The following ARIH1 variants were observed in gnomAD, a reference collection of about 807,000 sequenced individuals.
ARIH1 encodes the protein ariadne RBR E3 ubiquitin protein ligase 1, also known as E3 ubiquitin-protein ligase ARIH1.
A neutral mutation model predicts 85.0 loss-of-function variants in ARIH1; 8 were observed. The observed-to-expected ratio is 0.09, with a 90% CI of 0.06 to 0.17. The LOEUF is 0.17. Ranked by LOEUF, ARIH1 falls within the 10% of genes least tolerant of loss-of-function variation. The pLI is 1.00. For synonymous variants in ARIH1, 238 were observed against 253.6 expected (o/e 0.94, Z 0.59); for missense variants, 311 against 718.1 (o/e 0.43, Z 6.48).
intron 1 of ARIH1, chr15:72,475,277 C>G: frequency 1.6e-6 from 1 of 628,820 alleles, no homozygotes; most frequent in Non-Finnish European, 2.3e-6. Flanking sequence ...TAAGCCTTCT[C>G]TTGCGGGCAA....
rs562327908 is a variant in ARIH1 at position 72,577,361 on chromosome 15, T to C, written c.1216-3370T>C. On this transcript the variant is annotated intron_variant, in intron 11 of 13. Transcript: ENST00000379887. ...AAAAAATTGTGAAGAAGAGAAAATG[T>C]GTTTACTTTTTATTAAGTAGAAGTG... 2.0e-5 allele frequency among the ~76,000 whole-genome samples: 3 copies of C among 152,198 alleles called. No homozygotes were observed. In the South Asian group the frequency reaches 6.2e-4, roughly 32 times the overall value.
chr15:72,512,956 T>A (rs2063956841), intron 1 of ARIH1, among the ~76,000 whole-genome samples: 1 of 152,188 alleles, frequency 6.6e-6, no homozygotes. Flanking sequence ...CTTTGTCTGA[T>A]AGAAATATGG....
In ARIH1 at chr15:72,555,277, A is replaced by G; in HGVS notation, c.595A>G (p.Thr199Ala). ...TGTTTTGTTTTTCTTACAGTATTTCACTGGCCTTGAATGTGGACATAAGTT... is the reference window on the plus strand; with the variant it reads ...TGTTTTGTTTTTCTTACAGTATTTCGCTGGCCTTGAATGTGGACATAAGTT... ...CYLNYPNSYF[T>A]GLECGHKFCM... Residue 199 changes from threonine (T) to alanine (A), a missense_variant, in exon 4 of 14, where the codon ACT (threonine) becomes GCT (alanine). Around this residue, in one of 3 missense-constraint regions of ARIH1, gnomAD observed 104 missense variants for 221.4 expected, o/e 0.47. Transcript: ENST00000379887. 6.2e-7 allele frequency: 1 copy of G among 1,611,642 alleles called. No homozygotes were observed.
intron 1 of ARIH1, 30 bp downstream of exon 1, chr15:72,475,044 G>C: frequency 1.9e-6 from 3 of 1,546,896 alleles, no homozygotes; most frequent in Non-Finnish European, 1.7e-6. Flanking sequence ...CAGCTGGACC[G>C]GGCCCGACGG....
intron 1 of ARIH1, among the ~76,000 whole-genome samples, chr15:72,512,989 A>G (rs1486407857): frequency 1.3e-5 from 2 of 152,080 alleles, no homozygotes; most frequent in African/African-American, 4.8e-5. Context: ...TCATGTGATT[A>G]GTGTTTGCGT....
intron 11 of ARIH1, among the ~76,000 whole-genome samples, chr15:72,578,108 C>T (rs2064279679): frequency 6.6e-6 from 1 of 152,214 alleles, no homozygotes; most frequent in African/African-American, 2.4e-5. Flanking sequence ...ATCAAGTGGT[C>T]TTTTAATTCC....
At chr15:72,536,750 T>G (rs1009209770) in intron 2 of ARIH1, among the ~76,000 whole-genome samples, 2 of 152,208 alleles carry the variant, frequency 1.3e-5, no homozygotes, top group African/African-American at 4.8e-5. Context: ...CTAAAAAGGT[T>G]AAAGTATGCA....
chr15:72,516,140 T>C lies in ARIH1; in HGVS notation c.376-1927T>C, dbSNP rs974700627. On this transcript the variant is annotated intron_variant, in intron 1 of 13. Transcript: ENST00000379887. ...ATTTGGCACTAGCAACATCAAGTTA[T>C]ACTCCCTCCCCTCTGTTTTTTCCCT... Among the ~76,000 whole-genome samples the C allele has an allele frequency of 3.9e-5, 6 of 152,330 alleles. 1 individual carries two copies. Among genetic ancestry groups the C allele is most frequent in the Admixed American group, 3.9e-4 (6 of 15,306 alleles).
chr15:72,588,041 C>G lies in ARIH1; in HGVS notation c.*4749C>G, dbSNP rs947507437. The stretch of plus-strand genomic sequence containing the variant: ...AGTTAAAGTTTGTATATCAGTCACA[C>G]ATTGATATGTAGCAGCTCTATCAAT... On this transcript the variant is annotated 3_prime_UTR_variant, in exon 14 of 14. Transcript: ENST00000379887. 1 of 152,182 alleles carries G rather than the reference C, an allele frequency of 6.6e-6. No homozygotes were observed. Among genetic ancestry groups the G allele is most frequent in the African/African-American group, 2.4e-5 (1 of 41,440 alleles). The allele number at this position is 152,182 out of a possible 1,614,324, so 9.4% of individuals were successfully genotyped here.
chr15:72,475,060 C>G, intron 1 of ARIH1, 46 bp downstream of exon 1: 1 of 1,543,232 alleles, frequency 6.5e-7, no homozygotes, highest in Non-Finnish European at 8.8e-7. Flanking sequence ...GACGGGGGAG[C>G]GGATTCAGGC....
At chr15:72,517,430 T>A (rs984375001) in intron 1 of ARIH1, among the ~76,000 whole-genome samples, 22 of 143,904 alleles carry the variant, frequency 1.5e-4, no homozygotes, top group South Asian at 1.3e-3. Flanking sequence ...TTAAAACAAA[T>A]TTTTTTTTTT....
At chr15:72,543,557 G>T (rs896130059) in intron 2 of ARIH1, among the ~76,000 whole-genome samples, 1 of 152,080 alleles carries the variant, frequency 6.6e-6, no homozygotes, top group African/African-American at 2.4e-5. Context: ...TTATAAAAAA[G>T]ATATTTATTT....
chr15:72,592,819 C>A lies in ARIH1; in HGVS notation c.*9527C>A, dbSNP rs528746224. On this transcript the variant is annotated 3_prime_UTR_variant, in exon 14 of 14. Transcript: ENST00000379887. ...GTTTATTCATTCTCCTATTGAAGGACCTTTAGGTTGTTTCCAGTTTGGGGC... is the reference window on the plus strand; with the variant it reads ...GTTTATTCATTCTCCTATTGAAGGAACTTTAGGTTGTTTCCAGTTTGGGGC... 1.3e-5 allele frequency: 2 copies of A among 152,202 alleles called. No homozygotes were observed. Among genetic ancestry groups the A allele is most frequent in the East Asian group, 3.9e-4 (2 of 5,188 alleles). The allele number at this position is 152,202 out of a possible 1,614,324, so 9.4% of individuals were successfully genotyped here.
At chr15:72,493,094 T>G (rs1401553789) in intron 1 of ARIH1, among the ~76,000 whole-genome samples, 1 of 152,186 alleles carries the variant, frequency 6.6e-6, no homozygotes, top group Non-Finnish European at 1.5e-5. Flanking sequence ...CACAGCCACT[T>G]CCAGAAGACC....
chr15:72,559,618 A>C (rs1396127738), intron 5 of ARIH1, among the ~76,000 whole-genome samples: 1 of 152,152 alleles, frequency 6.6e-6, no homozygotes, highest in Non-Finnish European at 1.5e-5. Context: ...TAGTATATAC[A>C]TAATATTATT....
intron 2 of ARIH1, 103 bp from the exon 3 acceptor site, chr15:72,544,717 T>G: frequency 9.4e-7 from 1 of 1,060,116 alleles, no homozygotes; most frequent in Non-Finnish European, 1.3e-6. Context: ...TTGTTTTATT[T>G]TAATTCAACT....
intron 6 of ARIH1, 108 bp from the exon 7 acceptor site, chr15:72,563,286 T>A (rs2064204875): frequency 4.6e-6 from 4 of 860,232 alleles, no homozygotes; most frequent in Admixed American, 2.1e-5. Flanking sequence ...CTGGAGTGCT[T>A]GACCTCAAAC....
rs779241035 is a variant in ARIH1, at chr15:72,587,882, A to G, written c.*4590A>G. ...GTTGAGTCCAATTTTTAAGGCAACTATTGTTGACCTTTCTCTAGGCGGTAG... is the reference window on the plus strand; with the variant it reads ...GTTGAGTCCAATTTTTAAGGCAACTGTTGTTGACCTTTCTCTAGGCGGTAG... On this transcript the variant is annotated 3_prime_UTR_variant, in exon 14 of 14. Transcript: ENST00000379887. The G allele has an allele frequency of 2.6e-5, 4 of 152,166 alleles. No homozygotes were observed. The highest frequency in any genetic ancestry group is 5.9e-5 in the Non-Finnish European group (4 of 68,032). The allele number at this position is 152,166 out of a possible 1,614,324, so 9.4% of individuals were successfully genotyped here. A position where few individuals can be genotyped will look rare whatever the true frequency, so the allele number is the denominator to read the frequency against.
At position 72,477,170 on chromosome 15, in the gene ARIH1, C is replaced by T. The variant is rs75025193; in HGVS notation, c.375+2156C>T. ...ACCAGTGTTTGATGGGCAAAAAAAA[C>T]CTGGTGAGATTGAATTTATGTTTAT... On this transcript the variant is annotated intron_variant, in intron 1 of 13. Transcript: ENST00000379887. Among the ~76,000 whole-genome samples the T allele has an allele frequency of 4.4e-3, 677 of 152,234 alleles. 4 individuals carry two copies. Among genetic ancestry groups the T allele is most frequent in the African/African-American group, 0.016 (658 of 41,542 alleles).
Sources: gnomAD v4.1 joint callset for allele counts (sites outside exome capture counted in the v4.1 genomes callset) on GRCh38, gnomAD v4.1.1 for gene constraint, gnomAD v4.1.1 regional missense constraint, MANE v1.5 for transcripts, NCBI Gene and HGNC (gene_info 2026-07-23, HGNC 2026-07-21) for gene names.